SEC61A2: variants seen among roughly 807,000 people sequenced by gnomAD.
SEC61A2 encodes SEC61 translocon subunit alpha 2, also known as protein transport protein Sec61 subunit alpha isoform 2.
In SEC61A2, 28 loss-of-function variants were observed where a neutral mutation model predicts 59.9. The ratio of observed to expected loss-of-function variants is 0.47; its 90% CI spans 0.35 to 0.64. The LOEUF is 0.64. SEC61A2 is among the 30% of genes least tolerant of loss of function. The pLI is 0.01. For missense variants in SEC61A2, 340 were observed against 585.9 expected (o/e 0.58, Z 4.33); for synonymous variants, 202 against 214.4 (o/e 0.94, Z 0.50).
At chr10:12,134,923 A>G (rs1321101886) in intron 2 of SEC61A2, among the ~76,000 whole-genome samples, 3 of 151,986 alleles carry the variant, frequency 2.0e-5, no homozygotes, top group Non-Finnish European at 4.4e-5. Context: ...TGTCTCAAAA[A>G]AAAAAAAAAG....
At position 12,153,611 on chromosome 10, in the gene SEC61A2, T is replaced by C. The variant is rs765168245; in HGVS notation, c.463-2167T>C. 3.8e-5 allele frequency: 38 copies of C among 1,009,648 alleles called. No individual in the cohort carries two copies. Among genetic ancestry groups the C allele is most frequent in the Non-Finnish European group, 5.1e-5 (36 of 704,640 alleles). 62.5% of individuals were successfully genotyped at this position (1,009,648 alleles called of 1,614,324 possible). A position where few individuals can be genotyped will look rare whatever the true frequency, so the allele number is the denominator to read the frequency against. On this transcript the variant is annotated intron_variant, in intron 6 of 11. Coordinates refer to ENST00000298428, the MANE Select transcript of SEC61A2 (RefSeq NM_018144.4). This position sits in a 1 kb window ranked among gnomAD's most constrained non-coding sequence, Gnocchi z 5.2. ...TGAAACAAGTGAAGTGGATGTACAC[T>C]GATTCATTTACATGAATTCTGATAC...
Position 12,162,104 on chromosome 10 carries a change from T to G in SEC61A2, c.1168-109T>G, listed in dbSNP as rs1383394915. 4 of 818,856 alleles carry G rather than the reference T, an allele frequency of 4.9e-6. No individual in the cohort carries two copies. In the East Asian group the frequency reaches 9.8e-5, roughly 20 times the overall value. The allele number at this position is 818,856 out of a possible 1,614,324, so 50.7% of individuals were successfully genotyped here. ...ATGATATGACAATGCAACTTTCAGG[T>G]TATTGTATGTTACGTGTTAGTGTGT... On this transcript the variant is annotated intron_variant, in intron 10 of 11. Coordinates refer to ENST00000298428, the MANE Select transcript of SEC61A2 (RefSeq NM_018144.4). This position sits in a 1 kb window ranked among gnomAD's most constrained non-coding sequence, Gnocchi z 6.1.
At position 12,152,164 on chromosome 10, in the gene SEC61A2, A is replaced by G. The variant is rs1270765667; in HGVS notation, c.462+2203A>G. Among the ~76,000 whole-genome samples, 8 of 150,758 alleles carry G rather than the reference A, an allele frequency of 5.3e-5. No homozygotes were observed. Among genetic ancestry groups the G allele is most frequent in the Non-Finnish European group, 1.0e-4 (7 of 67,798 alleles). On this transcript the variant is annotated intron_variant, in intron 6 of 11. Transcript: ENST00000298428. The surrounding 1 kb of genome is among the most constrained non-coding windows in gnomAD (Gnocchi z 5.5). Reference sequence around the variant, plus strand: ...AGTGGTGCAATCTTGGCTCACTGCAACCTCCGCCTCCCAGGTTCAAGCAAT... The same window carrying G: ...AGTGGTGCAATCTTGGCTCACTGCAGCCTCCGCCTCCCAGGTTCAAGCAAT...
downstream of SEC61A2, chr10:12,167,983 C>A: frequency 8.1e-7 from 1 of 1,227,570 alleles, no homozygotes; most frequent in Non-Finnish European, 1.1e-6. Context: ...ACTATAAAGG[C>A]AAGATTACAT....
intron 1 of SEC61A2, 100 bp from the exon 2 acceptor site, chr10:12,133,141 A>T (rs1188470789): frequency 3.2e-6 from 2 of 615,536 alleles, no homozygotes; most frequent in African/African-American, 3.7e-5. Context: ...GGTGGGGTGA[A>T]TTGCTGGTGA....
intron 6 of SEC61A2, among the ~76,000 whole-genome samples, chr10:12,151,355 A>G (rs1434555245): frequency 7.0e-6 from 1 of 143,366 alleles, no homozygotes; most frequent in East Asian, 2.0e-4. Flanking sequence ...CTGTGTCGCC[A>G]GGCTGAAGTG....
chr10:12,135,435 G>A (rs1194212099), intron 2 of SEC61A2, among the ~76,000 whole-genome samples: 1 of 152,026 alleles, frequency 6.6e-6, no homozygotes, highest in Non-Finnish European at 1.5e-5. Flanking sequence ...AAAAATATAA[G>A]CTTAATTTTT....
downstream of SEC61A2, among the ~76,000 whole-genome samples, chr10:12,168,093 C>T (rs372088704): frequency 1.3e-5 from 2 of 151,184 alleles, no homozygotes; most frequent in East Asian, 1.9e-4. The surrounding 1 kb of genome is among the most constrained non-coding windows in gnomAD (Gnocchi z 4.8). Context: ...GGCGTGATCT[C>T]GGCTCACTGC....
chr10:12,129,687 T>G lies in SEC61A2; in HGVS notation c.-101T>G. On this transcript the variant is annotated 5_prime_UTR_variant, in exon 1 of 12. Coordinates refer to ENST00000298428, the MANE Select transcript of SEC61A2 (RefSeq NM_018144.4). The surrounding 1 kb of genome is among the most constrained non-coding windows in gnomAD (Gnocchi z 5.6). ...TTGGGCGGAGCCTGCGCGGGGCCGG[T>G]AGGATCGCGTCGGGAGCCGGTACCG... 8.5e-7 allele frequency: 1 copy of G among 1,183,154 alleles called. No individual in the cohort carries two copies. Among genetic ancestry groups the G allele is most frequent in the Non-Finnish European group, 1.2e-6 (1 of 855,880 alleles). 73.3% of individuals were successfully genotyped at this position (1,183,154 alleles called of 1,614,324 possible).
rs775369035 is a variant in SEC61A2 at position 12,149,774 on chromosome 10, C to G, written c.352+48C>G. ...AGCATTCTCCAAATTTGAGAGTGCT[C>G]GTGGTAAAGATGTTTTCTCTAGTCT... On this transcript the variant is annotated intron_variant, in intron 5 of 11. Transcript: ENST00000298428. This position sits in a 1 kb window ranked among gnomAD's most constrained non-coding sequence, Gnocchi z 5.2. The G allele has an allele frequency of 4.4e-6, 7 of 1,605,884 alleles. No individual in the cohort carries two copies. The South Asian group carries it at 7.8e-5, about 18-fold the overall frequency.
rs1473968426 is a variant in SEC61A2 at position 12,160,382 on chromosome 10, A to T, written c.976-548A>T. Among the ~76,000 whole-genome samples the T allele has an allele frequency of 1.3e-5, 2 of 152,220 alleles. No individual in the cohort carries two copies. The highest frequency in any genetic ancestry group is 4.8e-5 in the African/African-American group (2 of 41,458). Reference sequence around the variant, plus strand: ...CCCAAAACTTTATTTAATATGAGCAAATAATGCTGTTCCTATTTCTGTAAG... The same window carrying T: ...CCCAAAACTTTATTTAATATGAGCATATAATGCTGTTCCTATTTCTGTAAG... On this transcript the variant is annotated intron_variant, in intron 9 of 11. Transcript: ENST00000298428. This position sits in a 1 kb window ranked among gnomAD's most constrained non-coding sequence, Gnocchi z 4.1.
Position 12,162,139 on chromosome 10 carries a change from TTC to T in SEC61A2, c.1168-73_1168-72del. ...TTACGTGTTAGTGTGTGGCGAGCACTTCGCATAGAACGTGGTAGATGTAAGCA... is the reference window on the plus strand; with the variant it reads ...TTACGTGTTAGTGTGTGGCGAGCACTGCATAGAACGTGGTAGATGTAAGCA... On this transcript the variant is annotated intron_variant, in intron 10 of 11. Transcript: ENST00000298428. This position sits in a 1 kb window ranked among gnomAD's most constrained non-coding sequence, Gnocchi z 6.1. The T allele has an allele frequency of 8.6e-7, 1 of 1,168,608 alleles. No individual in the cohort carries two copies. Among genetic ancestry groups the T allele is most frequent in the Non-Finnish European group, 1.3e-6 (1 of 779,818 alleles). The allele number at this position is 1,168,608 out of a possible 1,614,324, so 72.4% of individuals were successfully genotyped here.
chr10:12,162,544 G>A lies in SEC61A2; in HGVS notation c.1244+255G>A. The A allele has an allele frequency of 1.6e-6, 1 of 625,280 alleles. No individual in the cohort carries two copies. Among genetic ancestry groups the A allele is most frequent in the Non-Finnish European group, 3.0e-6 (1 of 335,264 alleles). 38.7% of individuals were successfully genotyped at this position (625,280 alleles called of 1,614,324 possible). The stretch of plus-strand genomic sequence containing the variant: ...GTGCTGTTCTCAGCATTGGCTGGCT[G>A]CACATACAATCACCAGAGAGCTTTT... On this transcript the variant is annotated intron_variant, in intron 11 of 11. Coordinates refer to ENST00000298428, the MANE Select transcript of SEC61A2 (RefSeq NM_018144.4). This position sits in a 1 kb window ranked among gnomAD's most constrained non-coding sequence, Gnocchi z 6.1.
At chr10:12,132,079 G>C (rs1330973340) in intron 1 of SEC61A2, among the ~76,000 whole-genome samples, 2 of 149,834 alleles carry the variant, frequency 1.3e-5, no homozygotes, top group Non-Finnish European at 3.0e-5. Flanking sequence ...GAGACGGGCG[G>C]ATCACGAGGT....
intron 3 of SEC61A2, among the ~76,000 whole-genome samples, chr10:12,138,804 A>G (rs1008826508): frequency 1.3e-5 from 2 of 152,254 alleles, no homozygotes; most frequent in Non-Finnish European, 2.9e-5. Flanking sequence ...TGGCTACAAC[A>G]CATCAATTTG....
Position 12,160,851 on chromosome 10 carries a change from T to G in SEC61A2, c.976-79T>G. The G allele has an allele frequency of 7.4e-6, 9 of 1,210,882 alleles. No homozygotes were observed. Among genetic ancestry groups the G allele is most frequent in the Non-Finnish European group, 1.1e-5 (9 of 855,620 alleles). 75.0% of individuals were successfully genotyped at this position (1,210,882 alleles called of 1,614,324 possible). A position where few individuals can be genotyped will look rare whatever the true frequency, so the allele number is the denominator to read the frequency against. On this transcript the variant is annotated intron_variant, in intron 9 of 11. Coordinates refer to ENST00000298428, the MANE Select transcript of SEC61A2 (RefSeq NM_018144.4). This position sits in a 1 kb window ranked among gnomAD's most constrained non-coding sequence, Gnocchi z 4.1. ...CTTGAACTTAAAACACTGTCATTTC[T>G]GAGAAGTTTGAAGTGACATGCAAAT...
At chr10:12,150,105 CGTGT>C in intron 6 of SEC61A2, 144 bp downstream of exon 6, 1 of 611,432 alleles carries the variant, frequency 1.6e-6, no homozygotes, top group Non-Finnish European at 2.7e-6. Context: ...TGAAGTGATA[CGTGT>C]AAAATTTTTT....
At chr10:12,146,894 A>AT (rs1055988063) in intron 4 of SEC61A2, among the ~76,000 whole-genome samples, 36 of 147,020 alleles carry the variant, frequency 2.4e-4, no homozygotes, top group African/African-American at 7.0e-4. Context: ...TTTGTGTTTA[A>AT]TTTTTTTTTA....
downstream of SEC61A2, chr10:12,169,892 A>G (rs74657353): frequency 1.8e-4 from 83 of 470,616 alleles, 1 homozygote; most frequent in African/African-American, 1.2e-3. The surrounding 1 kb of genome is among the most constrained non-coding windows in gnomAD (Gnocchi z 4.8). Context: ...AATCACTTAA[A>G]AACAGTAGAA....
Sources: allele counts gnomAD v4.1 joint callset (sites outside exome capture counted in the v4.1 genomes callset), GRCh38; gene constraint gnomAD v4.1.1; non-coding constraint Gnocchi (gnomAD v3.1); transcripts MANE v1.5; gene names NCBI Gene and HGNC (gene_info 2026-07-23, HGNC 2026-07-21).